LGALS8: variants seen among roughly 807,000 people sequenced by gnomAD.
The protein encoded by LGALS8 is galectin 8.
Under a neutral mutation model 35.9 loss-of-function variants are expected in LGALS8, and 30 were observed. The ratio of observed to expected loss-of-function variants is 0.83; its 90% CI spans 0.62 to 1.13. The LOEUF (loss-of-function observed/expected upper bound fraction) is 1.13, where lower values mean the gene tolerates loss of function less well. Ranked by LOEUF, LGALS8 falls within the 50% of genes most tolerant of loss-of-function variation. The probability of loss-of-function intolerance (pLI) is 0.00; values close to 1 mark genes in which losing one functional copy is unlikely to be tolerated. For missense variants in LGALS8, 366 were observed against 388.7 expected (o/e 0.94, Z 0.49); for synonymous variants, 138 against 136.1 (o/e 1.01, Z -0.10).
At chr1:236,540,316 T>C (rs964125714) in intron 4 of LGALS8, 1 of 436,296 alleles carries the variant, frequency 2.3e-6, no homozygotes, top group East Asian at 3.9e-5. Context: ...GCACATATAC[T>C]TATGACTGCC....
intron 9 of LGALS8, 50 bp downstream of exon 9, chr1:236,544,965 AG>A: frequency 1.4e-6 from 2 of 1,439,864 alleles, no homozygotes; most frequent in South Asian, 2.6e-5. Context: ...TCCTGGGAGC[AG>A]GGGTGGGATA....
intron 4 of LGALS8, among the ~76,000 whole-genome samples, chr1:236,539,916 T>G (rs530042511): frequency 2.0e-5 from 3 of 152,296 alleles, no homozygotes; most frequent in South Asian, 4.1e-4. Context: ...GAGACTATAT[T>G]GTATGCTGCT....
At chr1:236,545,357 G>GA (rs2103106949) in intron 9 of LGALS8, among the ~76,000 whole-genome samples, 1 of 152,296 alleles carries the variant, frequency 6.6e-6, no homozygotes, top group East Asian at 1.9e-4. Context: ...TGTATTCAAG[G>GA]AAAAATACAT....
intron 1 of LGALS8, chr1:236,524,391 CT>C (rs1558153377): frequency 2.2e-6 from 1 of 456,744 alleles, no homozygotes. Flanking sequence ...ACCTGGGCTG[CT>C]TTCTCACCTG....
In LGALS8 at chr1:236,538,919, C is replaced by A. The variant is rs146280598; in HGVS notation, c.175C>A (p.Arg59=). 6.2e-7 allele frequency: 1 copy of A among 1,613,050 alleles called. No homozygotes were observed. Among genetic ancestry groups the A allele is most frequent in the Non-Finnish European group, 8.5e-7 (1 of 1,179,946 alleles). Residue 59 remains arginine, a synonymous_variant, in exon 4 of 10, where the codon CGA becomes AGA. Transcript: ENST00000366584. ...DLQNGSSMKP[R]ADVAFHFNPR... is the part of the protein sequence containing the mutation. The stretch of plus-strand genomic sequence containing the variant: ...GCAGAATGGCAGCAGCATGAAACCT[C>A]GAGCCGATGTGGCCTTTCATTTCAA...
At position 236,548,884 on chromosome 1, in the gene LGALS8, C is replaced by T; in HGVS notation, c.*723C>T. ...GCAAAAAACCAAAGCAAAACAAATA[C>T]ATGGTGCTGAAATTAACTTGATGCC... On this transcript the variant is annotated 3_prime_UTR_variant, in exon 10 of 10. Transcript: ENST00000366584. 2.5e-6 allele frequency: 1 copy of T among 398,532 alleles called. No homozygotes were observed. The highest frequency in any genetic ancestry group is 3.6e-5 in the East Asian group (1 of 28,074). The allele number at this position is 398,532 out of a possible 1,614,324, so 24.7% of individuals were successfully genotyped here.
In LGALS8 at chr1:236,550,725, G is replaced by A; in HGVS notation, c.*2564G>A. The A allele has an allele frequency of 1.8e-6, 1 of 550,110 alleles. No homozygotes were observed. 34.1% of individuals were successfully genotyped at this position (550,110 alleles called of 1,614,324 possible). A position where few individuals can be genotyped will look rare whatever the true frequency, so the allele number is the denominator to read the frequency against. ...GCAGCTCTATACGATAGGCAGGAGA[G>A]GCTTATGTGGCAGCACAAGCCAGGT... On this transcript the variant is annotated 3_prime_UTR_variant, in exon 10 of 10. Transcript: ENST00000366584.
chr1:236,545,666 C>CGT (rs1662318041), intron 9 of LGALS8, among the ~76,000 whole-genome samples: 1 of 152,140 alleles, frequency 6.6e-6, no homozygotes, highest in Admixed American at 6.5e-5. Flanking sequence ...GAATATCAGG[C>CGT]GGAATAGATA....
At position 236,525,983 on chromosome 1, in the gene LGALS8, T is replaced by C; in HGVS notation, c.-88T>C. On this transcript the variant is annotated 5_prime_UTR_variant, in exon 2 of 10. Transcript: ENST00000366584. ...CTTTACACAGGGCCAGTGCCTCAGT[T>C]TCAATCCAGGTAACCTTTAAATGAA... 9.8e-7 allele frequency: 1 copy of C among 1,025,072 alleles called. No individual in the cohort carries two copies. The highest frequency in any genetic ancestry group is 1.5e-6 in the Non-Finnish European group (1 of 661,422). 63.5% of individuals were successfully genotyped at this position (1,025,072 alleles called of 1,614,324 possible).
chr1:236,544,205 G>A (rs985888172), intron 8 of LGALS8, among the ~76,000 whole-genome samples: 4 of 152,072 alleles, frequency 2.6e-5, no homozygotes, highest in South Asian at 2.1e-4. Context: ...CGCCCACTTC[G>A]CCCTCCCAGT....
chr1:236,544,021 C>G (rs1195613588), intron 8 of LGALS8, among the ~76,000 whole-genome samples: 1 of 151,958 alleles, frequency 6.6e-6, no homozygotes, highest in Non-Finnish European at 1.5e-5. Flanking sequence ...CCCAGCACAC[C>G]ACAACCTCCG....
intron 2 of LGALS8, chr1:236,536,485 G>A (rs1661513493): frequency 6.6e-6 from 1 of 152,396 alleles, no homozygotes; most frequent in South Asian, 2.1e-4. Flanking sequence ...TGAGGGTGCA[G>A]GTTGAGACCT....
intron 8 of LGALS8, among the ~76,000 whole-genome samples, chr1:236,544,110 A>G (rs566400629): frequency 6.6e-6 from 1 of 151,816 alleles, no homozygotes; most frequent in Non-Finnish European, 1.5e-5. Context: ...ACGCCCAGCT[A>G]CTTTTTGAAT....
At chr1:236,536,044 A>C (rs767998704) in intron 2 of LGALS8, 8 of 152,254 alleles carry the variant, frequency 5.3e-5, no homozygotes, top group Non-Finnish European at 1.0e-4. Context: ...AAACAAACAG[A>C]ATCCAAAGTG....
chr1:236,551,032 G>T lies in LGALS8; in HGVS notation c.*2871G>T. 6.9e-7 allele frequency: 1 copy of T among 1,456,766 alleles called. No individual in the cohort carries two copies. The highest frequency in any genetic ancestry group is 9.3e-7 in the Non-Finnish European group (1 of 1,073,746). 90.2% of individuals were successfully genotyped at this position (1,456,766 alleles called of 1,614,324 possible). A position where few individuals can be genotyped will look rare whatever the true frequency, so the allele number is the denominator to read the frequency against. ...AAAATCAAAATTAAAATCTGAGTCA[G>T]TCCGCCTGCCTCGGTTCTCATTAGT... On this transcript the variant is annotated 3_prime_UTR_variant, in exon 10 of 10. Transcript: ENST00000366584.
At chr1:236,538,541 G>A (rs1173150669) in intron 3 of LGALS8, among the ~76,000 whole-genome samples, 3 of 152,240 alleles carry the variant, frequency 2.0e-5, no homozygotes, top group African/African-American at 7.2e-5. Flanking sequence ...GCAAGTGCTT[G>A]CTGACTTCTA....
At chr1:236,545,971 CT>C (rs1391434238) in intron 9 of LGALS8, among the ~76,000 whole-genome samples, 1 of 152,084 alleles carries the variant, frequency 6.6e-6, no homozygotes, top group Non-Finnish European at 1.5e-5. Flanking sequence ...GGTGAGTGCT[CT>C]AGAAGGAAGT....
upstream of LGALS8, among the ~76,000 whole-genome samples, chr1:236,519,427 T>C (rs1410894244): frequency 1.3e-5 from 2 of 151,972 alleles, no homozygotes; most frequent in East Asian, 3.9e-4. Flanking sequence ...TGTGTGGCTA[T>C]ATTATACCAT....
At chr1:236,521,574 A>G (rs879375355), upstream of LGALS8, among the ~76,000 whole-genome samples, 6 of 152,142 alleles carry the variant, frequency 3.9e-5, no homozygotes, top group Non-Finnish European at 5.9e-5. Context: ...CACACCTGCA[A>G]TCCCAGGTTA....
Sources: allele counts gnomAD v4.1 joint callset (sites outside exome capture counted in the v4.1 genomes callset), GRCh38; gene constraint gnomAD v4.1.1; transcripts MANE v1.5; gene names NCBI Gene and HGNC (gene_info 2026-07-23, HGNC 2026-07-21).